FHIP2B: variants seen among roughly 807,000 people sequenced by gnomAD.
The protein encoded by FHIP2B is FHF complex subunit HOOK-interacting protein 2B.
In FHIP2B, 72 loss-of-function variants were observed where a neutral mutation model predicts 84.0. That is an observed-to-expected ratio of 0.86 (90% CI 0.71 to 1.04). The LOEUF is 1.04. FHIP2B is among the 50% of genes least tolerant of loss of function. The pLI is 0.00. For missense variants in FHIP2B, 972 were observed against 968.9 expected (o/e 1.00, Z -0.04); for synonymous variants, 497 against 418.7 (o/e 1.19, Z -2.28).
intron 14 of FHIP2B, 56 bp downstream of exon 14, chr8:22,101,907 A>G (rs1286504803): frequency 1.3e-6 from 2 of 1,587,988 alleles, no homozygotes; most frequent in South Asian, 2.3e-5. Context: ...GGGGTCCTTC[A>G]AGAGCAGAGG....
intron 1 of FHIP2B, chr8:22,089,925 A>G: frequency 9.2e-7 from 1 of 1,086,228 alleles, no homozygotes. Flanking sequence ...AGATGTTTCC[A>G]GCGTGGCTGT....
At chr8:22,096,304 C>A in intron 2 of FHIP2B, 33 bp from the exon 3 acceptor site, 1 of 1,507,722 alleles carries the variant, frequency 6.6e-7, no homozygotes. Flanking sequence ...CCCCTCTTTA[C>A]CCTACTCACC....
intron 1 of FHIP2B, among the ~76,000 whole-genome samples, chr8:22,090,313 C>G (rs986210193): frequency 6.6e-6 from 1 of 152,170 alleles, no homozygotes; most frequent in African/African-American, 2.4e-5. Context: ...TCCTCCCCAC[C>G]ACCTCCTCCC....
In FHIP2B at chr8:22,102,557, G is replaced by C. The variant is rs1826185492; in HGVS notation, c.2022G>C (p.Gln674His). The C allele has an allele frequency of 1.9e-6, 3 of 1,561,896 alleles. No individual in the cohort carries two copies. The East Asian group carries it at 7.2e-5, about 37-fold the overall frequency. The part of the protein sequence containing the change: ...RVIGDLMQRI[Q>H]RVPQFPGKLL... The stretch of plus-strand genomic sequence containing the variant: ...TCGGGGACTTGATGCAGAGAATCCA[G>C]AGGGTACCCCAGTTCCCAGGCAAGC... Residue 674 changes from glutamine to histidine, a missense_variant, in exon 16 of 17, where the codon CAG (glutamine) becomes CAC (histidine). Physicochemically the swap from Gln to His is conservative, Grantham distance 24 (BLOSUM62 0). Transcript: ENST00000289921.
chr8:22,102,878 C>G lies in FHIP2B; in HGVS notation c.2179C>G (p.Pro727Ala). The change falls in exon 17 of 17, where the codon CCC becomes GCC. Residue 727 changes from proline (P) to alanine (A), a missense_variant. Physicochemically the swap from Pro to Ala is conservative, Grantham distance 27 (BLOSUM62 -1). Coordinates refer to ENST00000289921, the MANE Select transcript of FHIP2B (RefSeq NM_022749.7). ...ELAAIAFVKF[P>A]PHDPRQNVSP... Reference sequence around the variant, plus strand: ...GGCTGCCATTGCCTTCGTCAAGTTTCCCCCACATGATCCTCGCCAGAACGT... The same window carrying G: ...GGCTGCCATTGCCTTCGTCAAGTTTGCCCCACATGATCCTCGCCAGAACGT... The G allele has an allele frequency of 6.2e-7, 1 of 1,613,722 alleles. No individual in the cohort carries two copies. Among genetic ancestry groups the G allele is most frequent in the South Asian group, 1.1e-5 (1 of 91,080 alleles).
chr8:22,101,970 C>A (rs1826144316), intron 14 of FHIP2B, 119 bp downstream of exon 14: 2 of 1,503,822 alleles, frequency 1.3e-6, no homozygotes, highest in African/African-American at 1.4e-5. Context: ...CCTGTCCTTT[C>A]CCCAGGTGGG....
rs373250420 is a variant in FHIP2B, at chr8:22,102,323, C to T, written c.1992+8C>T. 246 of 1,611,314 alleles carry T rather than the reference C, an allele frequency of 1.5e-4. No homozygotes were observed. Among genetic ancestry groups the T allele is most frequent in the Non-Finnish European group, 1.8e-4 (216 of 1,179,704 alleles). ...TTCTCCGTGTTGGTGAGGGTGAGGA[C>T]GCCTCGGCCCAAGGGAGTGTGCCTA... On this transcript the variant is annotated splice_region_variant and intron_variant, in intron 15 of 16. Transcript: ENST00000289921.
chr8:22,101,740 G>C lies in FHIP2B; in HGVS notation c.1740G>C (p.Trp580Cys). The C allele has an allele frequency of 6.2e-7, 1 of 1,613,100 alleles. No homozygotes were observed. The highest frequency in any genetic ancestry group is 8.5e-7 in the Non-Finnish European group (1 of 1,179,656). The change falls in exon 14 of 17, where the codon TGG becomes TGC. Residue 580 changes from tryptophan to cysteine, a missense_variant. Trp to Cys is a radical substitution (Grantham distance 215). Coordinates refer to ENST00000289921, the MANE Select transcript of FHIP2B (RefSeq NM_022749.7). Reference sequence around the variant, plus strand: ...AGTGCAGCTCCCGCGTCGCCTCCTGGGGCTGGCCTCTGACCCCCACACCTT... The same window carrying C: ...AGTGCAGCTCCCGCGTCGCCTCCTGCGGCTGGCCTCTGACCCCCACACCTT... ...FQECSSRVAS[W>C]GWPLTPTPLD...
intron 10 of FHIP2B, 172 bp downstream of exon 10, chr8:22,100,065 T>A: frequency 2.7e-3 from 2 of 730 alleles, no homozygotes; most frequent in Non-Finnish European, 0.02. Flanking sequence ...GATCATATAC[T>A]TTTTTTTTTT....
Position 22,095,414 on chromosome 8 carries a change from A to AC in FHIP2B, c.124+901dup, listed in dbSNP as rs1178162484. ...CCACTAGGTGCCAGTAGCACACCCCACCCCCGAATTGGGACAACCAGGAAG... is the reference window on the plus strand; with the variant it reads ...CCACTAGGTGCCAGTAGCACACCCCACCCCCCGAATTGGGACAACCAGGAAG... On this transcript the variant is annotated intron_variant, in intron 2 of 16. Coordinates refer to ENST00000289921, the MANE Select transcript of FHIP2B (RefSeq NM_022749.7). The AC allele has an allele frequency of 2.0e-5, 3 of 151,810 alleles. No individual in the cohort carries two copies. In the East Asian group the frequency reaches 5.8e-4, roughly 29 times the overall value. 9.4% of individuals were successfully genotyped at this position (151,810 alleles called of 1,614,324 possible).
chr8:22,103,161 T>A lies in FHIP2B; in HGVS notation c.*230T>A. ...AGGCAGCAAGGTCCTTGGGGCCTTCTTGGAGGAGCTTGGGTGACAGCCAGG... is the reference window on the plus strand; with the variant it reads ...AGGCAGCAAGGTCCTTGGGGCCTTCATGGAGGAGCTTGGGTGACAGCCAGG... On this transcript the variant is annotated 3_prime_UTR_variant, in exon 17 of 17. Coordinates refer to ENST00000289921, the MANE Select transcript of FHIP2B (RefSeq NM_022749.7). The A allele has an allele frequency of 1.7e-6, 1 of 576,044 alleles. No individual in the cohort carries two copies. The highest frequency in any genetic ancestry group is 3.1e-6 in the Non-Finnish European group (1 of 327,418). The allele number at this position is 576,044 out of a possible 1,614,324, so 35.7% of individuals were successfully genotyped here.
chr8:22,098,403 G>C lies in FHIP2B; in HGVS notation c.769-20G>C. On this transcript the variant is annotated intron_variant, in intron 6 of 16. Transcript: ENST00000289921. ...GGGGGCTCACATGCATGTCCCTGAAGTTGTATCCTCATCCCCTAGAAGAGT... is the reference window on the plus strand; with the variant it reads ...GGGGGCTCACATGCATGTCCCTGAACTTGTATCCTCATCCCCTAGAAGAGT... The C allele has an allele frequency of 6.4e-7, 1 of 1,570,722 alleles. No individual in the cohort carries two copies. The highest frequency in any genetic ancestry group is 8.7e-7 in the Non-Finnish European group (1 of 1,154,892).
Position 22,099,781 on chromosome 8 carries a change from G to C in FHIP2B, c.1229G>C (p.Arg410Pro), listed in dbSNP as rs535908714. 6.2e-7 allele frequency: 1 copy of C among 1,612,328 alleles called. No individual in the cohort carries two copies. Among genetic ancestry groups the C allele is most frequent in the Non-Finnish European group, 8.5e-7 (1 of 1,179,654 alleles). Residue 410 changes from arginine (R) to proline (P), a missense_variant, in exon 10 of 17, where the codon CGG (arginine) becomes CCG (proline). Physicochemically the swap from Arg to Pro is moderately radical, Grantham distance 103 (BLOSUM62 -2). Transcript: ENST00000289921. ...LRQLRSPALL[R>P]EAVAFLLGTD... ...CAGCTTCGCTCCCCTGCGCTGCTGC[G>C]GGAGGCCGTGGCTTTCCTCCTGGGC...
At chr8:22,100,559 A>C in intron 10 of FHIP2B, 35 bp from the exon 11 acceptor site, 1 of 1,491,520 alleles carries the variant, frequency 6.7e-7, no homozygotes, top group Non-Finnish European at 8.9e-7. Context: ...CTGGGTGGGG[A>C]AGGGGCTATC....
Position 22,102,231 on chromosome 8 carries a change from C to T in FHIP2B, c.1908C>T (p.Pro636=), listed in dbSNP as rs1350511985. Residue 636 remains proline, a synonymous_variant, in exon 15 of 17, where the codon CCC becomes CCT. Transcript: ENST00000289921. The part of the protein sequence containing the change: ...TSVLSRLALF[P]HPHIHEYLLD... Reference sequence around the variant, plus strand: ...TCCTGTCCCGGCTTGCCCTCTTCCCCCACCCCCATATTCATGAGTACCTGC... The same window carrying T: ...TCCTGTCCCGGCTTGCCCTCTTCCCTCACCCCCATATTCATGAGTACCTGC... 6.2e-7 allele frequency: 1 copy of T among 1,613,464 alleles called. No homozygotes were observed.
Position 22,103,125 on chromosome 8 carries a change from G to GATGGCT in FHIP2B, c.*195_*200dup. The GATGGCT allele has an allele frequency of 1.4e-6, 1 of 729,410 alleles. No individual in the cohort carries two copies. Among genetic ancestry groups the GATGGCT allele is most frequent in the South Asian group, 1.9e-5 (1 of 51,764 alleles). The allele number at this position is 729,410 out of a possible 1,614,324, so 45.2% of individuals were successfully genotyped here. ...ATGCCAGGTGCCAAGGAGCCAAACA[G>GATGGCT]ATGGCTTTCCAGGCAGCAAGGTCCT... On this transcript the variant is annotated 3_prime_UTR_variant, in exon 17 of 17. Coordinates refer to ENST00000289921, the MANE Select transcript of FHIP2B (RefSeq NM_022749.7).
At chr8:22,095,004 C>A in intron 2 of FHIP2B, 1 of 565,080 alleles carries the variant, frequency 1.8e-6, no homozygotes, top group Non-Finnish European at 2.3e-6. Flanking sequence ...TCCCTCTCTC[C>A]AAGCTGACAC....
At chr8:22,092,637 T>A (rs1825555348) in intron 1 of FHIP2B, among the ~76,000 whole-genome samples, 1 of 149,238 alleles carries the variant, frequency 6.7e-6, no homozygotes, top group Admixed American at 6.7e-5. Context: ...CCCTGCTGCC[T>A]GCAAAAAATG....
At chr8:22,095,729 A>G (rs1258603270) in intron 2 of FHIP2B, 5 of 152,298 alleles carry the variant, frequency 3.3e-5, no homozygotes, top group Non-Finnish European at 7.3e-5. Flanking sequence ...CTGAAGCACC[A>G]GAACTTTCTT....
Sources: gnomAD v4.1 joint callset for allele counts (sites outside exome capture counted in the v4.1 genomes callset) on GRCh38, gnomAD v4.1.1 for gene constraint, MANE v1.5 for transcripts, NCBI Gene and HGNC (gene_info 2026-07-23, HGNC 2026-07-21) for gene names.